Variants in ZNF407 observed in about 807,000 individuals in gnomAD.
The protein encoded by ZNF407 is zinc finger protein 407.
In ZNF407, 17 loss-of-function variants were observed where a neutral mutation model predicts 131.2. The observed-to-expected ratio is 0.13, with a 90% CI of 0.09 to 0.19. The LOEUF (loss-of-function observed/expected upper bound fraction) is 0.19. Among genes scored for constraint, ZNF407 ranks in the 10% least tolerant of loss-of-function variants. ZNF407 has a pLI of 1.00. For synonymous variants in ZNF407, 1,156 were observed against 1,062.0 expected (o/e 1.09, Z -1.72); for missense variants, 2,681 against 2,830.6 (o/e 0.95, Z 1.20).
intron 8 of ZNF407, among the ~76,000 whole-genome samples, chr18:74,982,908 T>C (rs775750645): frequency 6.6e-6 from 1 of 152,206 alleles, no homozygotes; most frequent in Non-Finnish European, 1.5e-5. Context: ...ATCAACCCTG[T>C]TCATTGTTAT....
At chr18:74,747,591 A>G (rs1005148438) in intron 3 of ZNF407, among the ~76,000 whole-genome samples, 3 of 152,012 alleles carry the variant, frequency 2.0e-5, no homozygotes, top group Non-Finnish European at 4.4e-5. Flanking sequence ...TGTGTTACAT[A>G]CATGGATTGT....
chr18:74,766,552 G>A (rs1042389621), intron 3 of ZNF407, among the ~76,000 whole-genome samples: 1 of 152,144 alleles, frequency 6.6e-6, no homozygotes, highest in Non-Finnish European at 1.5e-5. Context: ...GCTACATCTA[G>A]GGAAGCAAAT....
At chr18:74,815,930 C>A (rs762038445) in intron 4 of ZNF407, among the ~76,000 whole-genome samples, 10 of 152,154 alleles carry the variant, frequency 6.6e-5, no homozygotes, top group Non-Finnish European at 1.2e-4. Flanking sequence ...CCCATGCCTC[C>A]CAATAACGTT....
chr18:74,659,883 A>C (rs1435971009), intron 3 of ZNF407, among the ~76,000 whole-genome samples: 2 of 152,202 alleles, frequency 1.3e-5, no homozygotes, highest in East Asian at 3.8e-4. Flanking sequence ...GGTAGTATAC[A>C]GAAAATGACA....
chr18:74,761,741 T>C (rs1969100471), intron 3 of ZNF407, among the ~76,000 whole-genome samples: 1 of 152,204 alleles, frequency 6.6e-6, no homozygotes, highest in African/African-American at 2.4e-5. Context: ...CATGATTGTG[T>C]TTTAAGTTCT....
chr18:74,812,810 T>A (rs1005534225), intron 4 of ZNF407, among the ~76,000 whole-genome samples: 4 of 152,208 alleles, frequency 2.6e-5, no homozygotes, highest in African/African-American at 9.6e-5. Context: ...TGATTTTTTT[T>A]AATGACTTTG....
intron 1 of ZNF407, among the ~76,000 whole-genome samples, chr18:74,601,735 C>T (rs1444308442): frequency 6.6e-6 from 1 of 152,082 alleles, no homozygotes; most frequent in African/African-American, 2.4e-5. Flanking sequence ...AGGACAGCAC[C>T]AAGCCATTCA....
At chr18:74,766,353 C>G (rs1969232413) in intron 3 of ZNF407, among the ~76,000 whole-genome samples, 1 of 152,182 alleles carries the variant, frequency 6.6e-6, no homozygotes, top group African/African-American at 2.4e-5. Flanking sequence ...GCTTCTTAAA[C>G]TTACCCATGA....
chr18:74,925,497 A>G (rs1411533793), intron 8 of ZNF407, among the ~76,000 whole-genome samples: 1 of 152,218 alleles, frequency 6.6e-6, no homozygotes, highest in East Asian at 1.9e-4. Context: ...ATATATTCAA[A>G]TTTCCTACAT....
intron 4 of ZNF407, among the ~76,000 whole-genome samples, chr18:74,801,683 G>T (rs1970022416): frequency 6.6e-6 from 1 of 152,142 alleles, no homozygotes; most frequent in African/African-American, 2.4e-5. Flanking sequence ...GTGTGCATTT[G>T]CTGCCAGTGA....
At position 74,877,917 on chromosome 18, in the gene ZNF407, G is replaced by A. The variant is rs112744666; in HGVS notation, c.5044+554G>A. Among the ~76,000 whole-genome samples, 971 of 152,222 alleles carry A rather than the reference G, an allele frequency of 6.4e-3. 6 individuals carry two copies. The highest frequency in any genetic ancestry group is 0.014 in the Middle Eastern group (4 of 294). On this transcript the variant is annotated intron_variant, in intron 5 of 8. Coordinates refer to ENST00000299687, the MANE Select transcript of ZNF407 (RefSeq NM_017757.3). ...ATAATTGATACAAAGACACTAATCCGCATTTAGCTACTATAATTTTTTTGG... is the reference window on the plus strand; with the variant it reads ...ATAATTGATACAAAGACACTAATCCACATTTAGCTACTATAATTTTTTTGG...
At chr18:74,992,435 T>C (rs546219630) in intron 8 of ZNF407, among the ~76,000 whole-genome samples, 5 of 152,102 alleles carry the variant, frequency 3.3e-5, no homozygotes, top group African/African-American at 1.2e-4. Flanking sequence ...GAACTCGTTG[T>C]GGGTCCGCCT....
chr18:74,616,821 C>T (rs1983310512), intron 1 of ZNF407, among the ~76,000 whole-genome samples: 7 of 58,402 alleles, frequency 1.2e-4, no homozygotes, highest in Non-Finnish European at 1.8e-4. Context: ...ACACACCACA[C>T]GCATCCATAT....
intron 1 of ZNF407, among the ~76,000 whole-genome samples, chr18:74,611,877 G>A (rs1021457987): frequency 1.3e-5 from 2 of 152,144 alleles, no homozygotes; most frequent in Non-Finnish European, 2.9e-5. Context: ...GGAATGTGAT[G>A]CTAAAATATG....
At chr18:74,698,365 A>G (rs1050850355) in intron 3 of ZNF407, among the ~76,000 whole-genome samples, 6 of 152,198 alleles carry the variant, frequency 3.9e-5, no homozygotes, top group Admixed American at 3.9e-4. Context: ...AGCATAGCTG[A>G]GTTAGTCATT....
At chr18:74,627,855 C>T (rs6650702) in intron 1 of ZNF407, among the ~76,000 whole-genome samples, 20,009 of 140,006 alleles carry the variant, frequency 0.14, 1,759 homozygotes, top group African/African-American at 0.21. Context: ...CGCCCCGCCC[C>T]GCCCCGCCCC....
At chr18:74,982,791 T>C (rs1008175950) in intron 8 of ZNF407, among the ~76,000 whole-genome samples, 3 of 152,236 alleles carry the variant, frequency 2.0e-5, no homozygotes, top group Admixed American at 6.5e-5. Flanking sequence ...TTCCAAATTA[T>C]GTAAAATAAA....
At chr18:74,731,129 G>A (rs1968284581) in intron 3 of ZNF407, among the ~76,000 whole-genome samples, 1 of 152,048 alleles carries the variant, frequency 6.6e-6, no homozygotes, top group South Asian at 2.1e-4. Flanking sequence ...AACTCTGTAG[G>A]CTCTCCTGTG....
chr18:74,629,251 G>C (rs575326695), intron 1 of ZNF407, among the ~76,000 whole-genome samples: 13 of 152,230 alleles, frequency 8.5e-5, no homozygotes, highest in Admixed American at 6.5e-4. Context: ...AGCTATCTTA[G>C]TGGGTTTGAA....
Sources: allele counts gnomAD v4.1 joint callset (sites outside exome capture counted in the v4.1 genomes callset), GRCh38; gene constraint gnomAD v4.1.1; transcripts MANE v1.5; gene names NCBI Gene and HGNC (gene_info 2026-07-23, HGNC 2026-07-21).